CPM: variants seen among roughly 807,000 people sequenced by gnomAD.
CPM encodes the protein carboxypeptidase M.
A neutral mutation model predicts 46.4 loss-of-function variants in CPM; 35 were observed. That is an observed-to-expected ratio of 0.75 (90% confidence interval 0.58 to 1.00). The LOEUF is 1.00. Among genes scored for constraint, CPM ranks in the 50% least tolerant of loss-of-function variants. The pLI is 0.00. For synonymous variants in CPM, 195 were observed against 195.3 expected (o/e 1.00, Z 0.01); for missense variants, 422 against 530.4 (o/e 0.80, Z 2.01).
chr12:68,843,697 AAC>A (rs1491299135), intron 5 of CPM: 1 of 180,064 alleles, frequency 5.6e-6, no homozygotes, highest in African/African-American at 4.5e-5. Flanking sequence ...GTTGCTTCAA[AAC>A]TCTCTCTCTC....
chr12:68,916,557 C>T (rs1009573961), intron 2 of CPM, among the ~76,000 whole-genome samples: 4 of 152,122 alleles, frequency 2.6e-5, no homozygotes, highest in African/African-American at 7.2e-5. Context: ...TTTCTCACTA[C>T]TTTTTGTCCC....
intron 2 of CPM, chr12:68,914,090 A>C (rs1235869797): frequency 3.4e-6 from 2 of 583,518 alleles, no homozygotes; most frequent in East Asian, 6.7e-5. Flanking sequence ...GGGTAATTAC[A>C]AACAGAAAAT....
In CPM at chr12:68,891,367, C is replaced by G. The variant is rs143184128; in HGVS notation, c.161-5478G>C. ...TTGAAGGAGAGGAAGAGGTACCTGG[C>G]TAAGTGGTTTATTACAAACAAAACA... On this transcript the variant is annotated intron_variant, in intron 2 of 8. Transcript: ENST00000551568. 6.0e-3 allele frequency among the ~76,000 whole-genome samples: 920 copies of G among 152,278 alleles called. 17 individuals are homozygous for G. Among genetic ancestry groups the G allele is most frequent in the African/African-American group, 0.021 (885 of 41,536 alleles).
At position 68,873,401 on chromosome 12, in the gene CPM, G is replaced by C. The variant is rs117548954; in HGVS notation, c.259-1445C>G. ...TTGGGACTAAGAAAATTTGGGGCTG[G>C]TGGCAGTGGCTCATGCCTGTAATCT... On this transcript the variant is annotated intron_variant, in intron 3 of 8. Coordinates refer to ENST00000551568, the MANE Select transcript of CPM (RefSeq NM_198320.5). Among the ~76,000 whole-genome samples, 634 of 152,302 alleles carry C rather than the reference G, an allele frequency of 4.2e-3. 4 individuals are homozygous for C. The highest frequency in any genetic ancestry group is 6.8e-3 in the Non-Finnish European group (461 of 68,032).
intron 2 of CPM, among the ~76,000 whole-genome samples, chr12:68,905,942 G>A (rs1295004448): frequency 6.6e-6 from 1 of 152,108 alleles, no homozygotes; most frequent in African/African-American, 2.4e-5. Context: ...AGTCAGATAA[G>A]CATGTTTATG....
intron 8 of CPM, among the ~76,000 whole-genome samples, chr12:68,857,165 C>CTT (rs148512383): frequency 0.019 from 2,681 of 143,232 alleles, 27 homozygotes; most frequent in Middle Eastern, 0.032. Context: ...TTTCTTTTTT[C>CTT]TTTTTTTTTT....
At chr12:68,886,997 TTAAG>T (rs1807978468) in intron 2 of CPM, among the ~76,000 whole-genome samples, 1 of 152,138 alleles carries the variant, frequency 6.6e-6, no homozygotes, top group African/African-American at 2.4e-5. Context: ...TTCAAAAATA[TTAAG>T]TAAAGGGCTT....
intron 7 of CPM, among the ~76,000 whole-genome samples, chr12:68,865,710 C>G (rs11177397): frequency 0.3 from 44,965 of 151,826 alleles, 6,954 homozygotes; most frequent in African/African-American, 0.37. Context: ...TCTCCCCAAG[C>G]CATTCTGAAT....
chr12:68,946,373 T>C (rs1482956944), intron 1 of CPM, among the ~76,000 whole-genome samples: 1 of 152,190 alleles, frequency 6.6e-6, no homozygotes, highest in Non-Finnish European at 1.5e-5. Flanking sequence ...AAAAATTGGC[T>C]TTGCTGGATG....
At chr12:68,909,597 C>A (rs561799875) in intron 2 of CPM, among the ~76,000 whole-genome samples, 2 of 152,098 alleles carry the variant, frequency 1.3e-5, no homozygotes, top group East Asian at 3.9e-4. Flanking sequence ...AAATGTCCAT[C>A]AATGATAGAC....
chr12:68,849,390 GTTTTT>G (rs67479332), downstream of CPM: 1 of 129,078 alleles, frequency 7.7e-6, no homozygotes, highest in South Asian at 2.5e-4. Context: ...GCGCCTGGCC[GTTTTT>G]TTTTTTGTTG....
chr12:68,929,872 CA>C (rs1354765568), intron 2 of CPM, among the ~76,000 whole-genome samples: 1 of 151,950 alleles, frequency 6.6e-6, no homozygotes, highest in Non-Finnish European at 1.5e-5. Flanking sequence ...AATGAAAAAA[CA>C]AGCAGAATAT....
rs1010019344 is a variant in CPM at position 68,871,784 on chromosome 12, C to T, written c.431G>A (p.Arg144Lys). ...TAAAGATAGACCAGCCCCTCTTTAC[C>T]TTCCGATGCTGTAATAACAGTCAGG... is the stretch of plus-strand genomic sequence containing the variant. Reference protein sequence around the residue: ...KKPDCYYSIGRENYNQYDLNR... With the variant: ...KKPDCYYSIGKENYNQYDLNR... The change falls in exon 4 of 9, where the codon AGG (arginine) becomes AAG (lysine). Residue 144 changes from arginine to lysine, a missense_variant and splice_region_variant. Coordinates refer to ENST00000551568, the MANE Select transcript of CPM (RefSeq NM_198320.5). The T allele has an allele frequency of 1.2e-6, 2 of 1,614,076 alleles. No individual in the cohort carries two copies. The highest frequency in any genetic ancestry group is 1.7e-6 in the Non-Finnish European group (2 of 1,179,996).
At chr12:68,846,558 A>G (rs1045484117), downstream of CPM, 1 of 152,118 alleles carries the variant, frequency 6.6e-6, no homozygotes, top group African/African-American at 2.4e-5. Context: ...ATCTCCCTAA[A>G]TGGATTTCAC....
chr12:68,908,863 T>C (rs1208419001), intron 2 of CPM, among the ~76,000 whole-genome samples: 9 of 152,046 alleles, frequency 5.9e-5, no homozygotes, highest in Non-Finnish European at 1.3e-4. Flanking sequence ...GTGAAAATAT[T>C]TGCCACACAC....
chr12:68,955,924 G>A (rs976976444), intron 1 of CPM, among the ~76,000 whole-genome samples: 11 of 152,066 alleles, frequency 7.2e-5, no homozygotes, highest in African/African-American at 1.9e-4. Flanking sequence ...ACTGAAAGCC[G>A]AGCCCCCAGG....
At chr12:68,865,874 G>C (rs552517594) in intron 7 of CPM, among the ~76,000 whole-genome samples, 1 of 152,260 alleles carries the variant, frequency 6.6e-6, no homozygotes, top group African/African-American at 2.4e-5. Flanking sequence ...AAGTATAGCC[G>C]CTGGACCAGC....
chr12:68,901,224 T>C (rs533292679), intron 2 of CPM, among the ~76,000 whole-genome samples: 2 of 151,990 alleles, frequency 1.3e-5, no homozygotes, highest in African/African-American at 4.8e-5. Flanking sequence ...GAAAATAAAG[T>C]CTTAAAAAAA....
At chr12:68,932,132 A>G (rs1888538169) in intron 2 of CPM, among the ~76,000 whole-genome samples, 1 of 152,252 alleles carries the variant, frequency 6.6e-6, no homozygotes, top group Non-Finnish European at 1.5e-5. Flanking sequence ...TACACGACAC[A>G]AATCTAACCA....
Sources: gnomAD v4.1 joint callset for allele counts (sites outside exome capture counted in the v4.1 genomes callset) on GRCh38, gnomAD v4.1.1 for gene constraint, MANE v1.5 for transcripts, NCBI Gene and HGNC (gene_info 2026-07-23, HGNC 2026-07-21) for gene names.